ROBO2: variants seen among roughly 807,000 people sequenced by gnomAD.
ROBO2 encodes roundabout homolog 2.
ROBO2 carries 53 observed loss-of-function variants against 160.8 expected under a neutral mutation model. The observed-to-expected ratio is 0.33, with a 90% CI of 0.26 to 0.41. The LOEUF is 0.41. ROBO2 is among the 10% of genes least tolerant of loss of function. ROBO2 has a pLI of 1.00. For missense variants in ROBO2, 1,577 were observed against 1,722.4 expected, an observed-to-expected ratio of 0.92 and a Z score of 1.49; for synonymous variants, 664 against 611.7, an observed-to-expected ratio of 1.09 and a Z score of -1.26.
chr3:76,738,988 T>C (rs1293595567), intron 2 of ROBO2, among the ~76,000 whole-genome samples: 1 of 152,024 alleles, frequency 6.6e-6, no homozygotes, highest in Non-Finnish European at 1.5e-5. Flanking sequence ...AGACGTTAAG[T>C]GGTAGAGTTG....
intron 24 of ROBO2, among the ~76,000 whole-genome samples, chr3:77,639,399 A>G (rs116632356): frequency 6.6e-6 from 1 of 152,212 alleles, no homozygotes; most frequent in Admixed American, 6.5e-5. Context: ...GTTATGGGGA[A>G]AAAACAAAGG....
intron 2 of ROBO2, among the ~76,000 whole-genome samples, chr3:77,123,731 T>C (rs116306086): frequency 0.063 from 6,872 of 108,470 alleles, 569 homozygotes; most frequent in African/African-American, 0.21. Context: ...ATAATCTATA[T>C]GTATCTAGAT....
chr3:76,262,772 A>G (rs1230492817), intron 2 of ROBO2, among the ~76,000 whole-genome samples: 1 of 152,186 alleles, frequency 6.6e-6, no homozygotes, highest in Non-Finnish European at 1.5e-5. Context: ...GGTAACAGAA[A>G]TGTAACCAGA....
At chr3:77,584,685 C>A (rs1475619642) in intron 16 of ROBO2, among the ~76,000 whole-genome samples, 6 of 151,910 alleles carry the variant, frequency 3.9e-5, no homozygotes, top group Admixed American at 6.6e-5. Context: ...ATTGTCTTCT[C>A]TTTCTTAATT....
chr3:77,499,932 C>G (rs888857115), intron 5 of ROBO2, among the ~76,000 whole-genome samples: 2 of 152,090 alleles, frequency 1.3e-5, no homozygotes, highest in African/African-American at 4.8e-5. Context: ...CAGGTGTGAG[C>G]CACCGTGTCT....
At chr3:77,540,417 G>T (rs1354059255) in intron 6 of ROBO2, among the ~76,000 whole-genome samples, 1 of 152,070 alleles carries the variant, frequency 6.6e-6, no homozygotes. Flanking sequence ...TTCCTACTGT[G>T]GCATTCGAAT....
intron 2 of ROBO2, among the ~76,000 whole-genome samples, chr3:76,203,566 C>T (rs1702646646): frequency 1.3e-4 from 1 of 7,924 alleles, no homozygotes; most frequent in Non-Finnish European, 3.8e-4. Flanking sequence ...CCTTTCTCAC[C>T]TTGAGATTGC....
At chr3:77,627,274 T>TTTTC (rs904385249) in intron 23 of ROBO2, among the ~76,000 whole-genome samples, 1 of 152,038 alleles carries the variant, frequency 6.6e-6, no homozygotes. Context: ...TACACATTCC[T>TTTTC]TTTCTTTCTT....
At chr3:77,585,954 G>A (rs1394234319) in intron 16 of ROBO2, among the ~76,000 whole-genome samples, 1 of 152,090 alleles carries the variant, frequency 6.6e-6, no homozygotes, top group Non-Finnish European at 1.5e-5. Context: ...GGCATTTGAT[G>A]TAATTTATGG....
chr3:76,062,360 C>A (rs1167016964), intron 2 of ROBO2, among the ~76,000 whole-genome samples: 2 of 151,840 alleles, frequency 1.3e-5, no homozygotes, highest in East Asian at 3.9e-4. Context: ...GAAATCCTAG[C>A]AGTTATGTGC....
intron 2 of ROBO2, among the ~76,000 whole-genome samples, chr3:76,731,388 G>A (rs560307755): frequency 6.6e-6 from 1 of 152,264 alleles, no homozygotes; most frequent in South Asian, 2.1e-4. Flanking sequence ...ATTCCTGGGA[G>A]GCTATTATGC....
At chr3:76,520,878 C>G (rs1007826288) in intron 2 of ROBO2, among the ~76,000 whole-genome samples, 1 of 152,052 alleles carries the variant, frequency 6.6e-6, no homozygotes, top group Non-Finnish European at 1.5e-5. Flanking sequence ...AGAATGTAAC[C>G]TTTCATATCT....
At chr3:77,482,504 T>C (rs1008405164) in intron 4 of ROBO2, among the ~76,000 whole-genome samples, 2 of 152,208 alleles carry the variant, frequency 1.3e-5, no homozygotes, top group African/African-American at 2.4e-5. Flanking sequence ...AGGTAATCTC[T>C]GGTAACACTC....
intron 2 of ROBO2, among the ~76,000 whole-genome samples, chr3:76,969,931 A>G (rs2059493668): frequency 6.6e-6 from 1 of 152,160 alleles, no homozygotes; most frequent in African/African-American, 2.4e-5. Context: ...TAAGAATATC[A>G]TTGCAATAAG....
chr3:76,171,473 G>A (rs1316358588), intron 2 of ROBO2, among the ~76,000 whole-genome samples: 1 of 151,854 alleles, frequency 6.6e-6, no homozygotes, highest in Non-Finnish European at 1.5e-5. Flanking sequence ...TTTCCTTTAT[G>A]TCTTTAAACT....
chr3:76,594,614 G>A (rs1397031035), intron 2 of ROBO2, among the ~76,000 whole-genome samples: 1 of 151,884 alleles, frequency 6.6e-6, no homozygotes, highest in African/African-American at 2.4e-5. Context: ...CTATTTGGGT[G>A]ATTTTTTTCT....
At chr3:76,934,132 G>A (rs2077528406) in intron 2 of ROBO2, among the ~76,000 whole-genome samples, 1 of 151,492 alleles carries the variant, frequency 6.6e-6, no homozygotes, top group Admixed American at 6.6e-5. Context: ...TTCATTGATA[G>A]CTGACACAAA....
chr3:76,325,940 A>G (rs1340623420), intron 2 of ROBO2, among the ~76,000 whole-genome samples: 1 of 152,198 alleles, frequency 6.6e-6, no homozygotes, highest in Non-Finnish European at 1.5e-5. Flanking sequence ...TTCTGAGCCT[A>G]ACAGTATTGT....
intron 2 of ROBO2, among the ~76,000 whole-genome samples, chr3:76,992,350 TATATATATATATATATATA>T (rs1428462261): frequency 0.011 from 768 of 72,280 alleles, 13 homozygotes; most frequent in East Asian, 0.059. Flanking sequence ...TATATATATA[TATATATATATATATATATA>T]AATTTAGCTT....
Sources: gnomAD v4.1 joint callset for allele counts (sites outside exome capture counted in the v4.1 genomes callset) on GRCh38, gnomAD v4.1.1 for gene constraint, MANE v1.5 for transcripts, NCBI Gene and HGNC (gene_info 2026-07-23, HGNC 2026-07-21) for gene names.